Variants in CADM2 observed in about 807,000 individuals in gnomAD.
CADM2 encodes cell adhesion molecule 2.
In CADM2, 12 loss-of-function variants were observed where a neutral mutation model predicts 49.8. The ratio of observed to expected loss-of-function variants is 0.24; its 90% CI spans 0.15 to 0.39. The LOEUF is 0.39. CADM2 is among the 10% of genes least tolerant of loss of function. CADM2 has a pLI of 1.00. For synonymous variants in CADM2, 214 were observed against 175.4 expected, an observed-to-expected ratio of 1.22 and a Z score of -1.74; for missense variants, 378 against 492.3, an observed-to-expected ratio of 0.77 and a Z score of 2.20.
Position 85,413,166 on chromosome 3 carries a change from ATAAT to A in CADM2, c.62-313355_62-313352del, listed in dbSNP as rs1559827301. Among the ~76,000 whole-genome samples the A allele has an allele frequency of 2.7e-3, 321 of 116,806 alleles. 2 individuals are homozygous for A. Among genetic ancestry groups the A allele is most frequent in the Non-Finnish European group, 3.7e-3 (207 of 55,728 alleles). The allele number at this position is 116,806 out of a possible 152,430, so 76.6% of individuals were successfully genotyped here. ...AAAAAAAAAAAAAAAAAAAAAAATA[ATAAT>A]AATAATAATAATAATACACTGGAAG... On this transcript the variant is annotated intron_variant, in intron 1 of 9. Coordinates refer to ENST00000383699, the MANE Select transcript of CADM2 (RefSeq NM_001167675.2).
intron 1 of CADM2, among the ~76,000 whole-genome samples, chr3:85,330,929 T>C (rs1410930804): frequency 6.6e-6 from 1 of 152,134 alleles, no homozygotes; most frequent in Non-Finnish European, 1.5e-5. Context: ...ACTATTGCAC[T>C]TCATTCTACA....
chr3:85,279,560 G>A (rs971576367), intron 1 of CADM2, among the ~76,000 whole-genome samples: 2 of 151,220 alleles, frequency 1.3e-5, no homozygotes, highest in African/African-American at 2.4e-5. Context: ...ATTCCTGCAT[G>A]TTTTTAAGTT....
chr3:85,901,965 T>A (rs897754369), intron 5 of CADM2, among the ~76,000 whole-genome samples: 9 of 152,192 alleles, frequency 5.9e-5, no homozygotes, highest in Non-Finnish European at 8.8e-5. Flanking sequence ...AGTACTTTAT[T>A]CTTTATAATT....
At chr3:85,458,833 A>G (rs1445540272) in intron 1 of CADM2, among the ~76,000 whole-genome samples, 1 of 152,212 alleles carries the variant, frequency 6.6e-6, no homozygotes, top group Non-Finnish European at 1.5e-5. Flanking sequence ...AAATAAAAGT[A>G]CATTTTAAAA....
At chr3:85,074,834 T>G (rs753395846) in intron 1 of CADM2, among the ~76,000 whole-genome samples, 1 of 151,800 alleles carries the variant, frequency 6.6e-6, no homozygotes, top group Non-Finnish European at 1.5e-5. Context: ...GGGATAGAGA[T>G]TTTTCTTCTC....
At chr3:85,236,908 T>A (rs1402051320) in intron 1 of CADM2, among the ~76,000 whole-genome samples, 1 of 152,042 alleles carries the variant, frequency 6.6e-6, no homozygotes, top group Admixed American at 6.6e-5. Flanking sequence ...TATGACTCAG[T>A]GATTAAAACT....
chr3:85,057,461 A>G (rs2036125772), intron 1 of CADM2, among the ~76,000 whole-genome samples: 1 of 152,140 alleles, frequency 6.6e-6, no homozygotes, highest in Non-Finnish European at 1.5e-5. Flanking sequence ...ATATACTAAC[A>G]GTGATGTGAG....
chr3:85,743,785 C>T (rs184075699), intron 2 of CADM2, among the ~76,000 whole-genome samples: 10 of 151,832 alleles, frequency 6.6e-5, no homozygotes, highest in African/African-American at 1.9e-4. Context: ...AAAAGAGATT[C>T]TAAAGTATTT....
At chr3:85,863,610 C>T (rs1483727046) in intron 3 of CADM2, among the ~76,000 whole-genome samples, 3 of 152,182 alleles carry the variant, frequency 2.0e-5, no homozygotes, top group Admixed American at 6.5e-5. Flanking sequence ...TCAGCAGACA[C>T]TAGCACTTTG....
chr3:85,099,594 C>T (rs905660545), intron 1 of CADM2, among the ~76,000 whole-genome samples: 2 of 151,904 alleles, frequency 1.3e-5, no homozygotes, highest in South Asian at 2.1e-4. Flanking sequence ...ATCAGCCTCC[C>T]GAGTAGGTGG....
chr3:85,076,663 T>A (rs1426574219), intron 1 of CADM2, among the ~76,000 whole-genome samples: 1 of 152,020 alleles, frequency 6.6e-6, no homozygotes. Flanking sequence ...TTGATAAAAT[T>A]ATTATCTACT....
At chr3:85,275,693 A>G (rs1576261625) in intron 1 of CADM2, among the ~76,000 whole-genome samples, 1 of 151,168 alleles carries the variant, frequency 6.6e-6, no homozygotes, top group Admixed American at 6.6e-5. Flanking sequence ...TAATACATGT[A>G]TTTGCTAAGT....
At chr3:85,209,717 C>T (rs2041732722) in intron 1 of CADM2, among the ~76,000 whole-genome samples, 1 of 151,850 alleles carries the variant, frequency 6.6e-6, no homozygotes, top group African/African-American at 2.4e-5. Flanking sequence ...AAACATGTTG[C>T]TGCACACTGC....
At chr3:85,179,684 A>G (rs571027874) in intron 1 of CADM2, among the ~76,000 whole-genome samples, 1 of 152,234 alleles carries the variant, frequency 6.6e-6, no homozygotes, top group Non-Finnish European at 1.5e-5. Context: ...GGTCTTTAAA[A>G]CATGGTTTTT....
rs544050247 is a variant in CADM2 at position 85,883,466 on chromosome 3, A to G, written c.391+23A>G. 6.5e-5 allele frequency: 103 copies of G among 1,575,398 alleles called. No individual in the cohort carries two copies. In the East Asian group the frequency reaches 2.2e-3, roughly 34 times the overall value. On this transcript the variant is annotated intron_variant, in intron 4 of 9. Transcript: ENST00000383699. ...TGGGTAAGTGCAAGGGACTAACACC[A>G]TGTAATCACAAAACCAGAATGATAT...
At chr3:85,554,414 A>T (rs1203614392) in intron 1 of CADM2, among the ~76,000 whole-genome samples, 2 of 152,044 alleles carry the variant, frequency 1.3e-5, no homozygotes, top group Non-Finnish European at 2.9e-5. Flanking sequence ...GGCGGCACAA[A>T]GGTTAGGGAC....
At chr3:85,040,808 A>T (rs2035403827) in intron 1 of CADM2, among the ~76,000 whole-genome samples, 1 of 152,212 alleles carries the variant, frequency 6.6e-6, no homozygotes, top group Admixed American at 6.5e-5. Context: ...GGTATACTTT[A>T]GACCCAGAAG....
intron 1 of CADM2, among the ~76,000 whole-genome samples, chr3:85,247,008 T>G (rs186161824): frequency 4.6e-5 from 7 of 151,702 alleles, no homozygotes; most frequent in Non-Finnish European, 7.4e-5. Context: ...TGTTGTTTAA[T>G]CAGATCTGAC....
intron 1 of CADM2, among the ~76,000 whole-genome samples, chr3:85,696,688 T>C (rs1252526836): frequency 6.6e-6 from 1 of 152,040 alleles, no homozygotes; most frequent in African/African-American, 2.4e-5. Context: ...ATTTTTTCTT[T>C]ATTTTTATTA....
Sources: allele counts gnomAD v4.1 joint callset (sites outside exome capture counted in the v4.1 genomes callset), GRCh38; gene constraint gnomAD v4.1.1; transcripts MANE v1.5; gene names NCBI Gene and HGNC (gene_info 2026-07-23, HGNC 2026-07-21).